MAP3K13: variants seen among roughly 807,000 people sequenced by gnomAD.
MAP3K13 encodes leucine zipper-bearing kinase.
A neutral mutation model predicts 104.0 loss-of-function variants in MAP3K13; 52 were observed. That is an observed-to-expected ratio of 0.50 (90% CI 0.40 to 0.63). The LOEUF (loss-of-function observed/expected upper bound fraction) is 0.63. Ranked by LOEUF, MAP3K13 falls within the 20% of genes least tolerant of loss-of-function variation. MAP3K13 has a pLI of 0.00. For synonymous variants in MAP3K13, 394 were observed against 442.2 expected (o/e 0.89, Z 1.37); for missense variants, 914 against 1,218.5 (o/e 0.75, Z 3.72).
At chr3:185,367,423 C>T (rs1016329491) in intron 1 of MAP3K13, among the ~76,000 whole-genome samples, 39 of 151,620 alleles carry the variant, frequency 2.6e-4, no homozygotes, top group African/African-American at 8.5e-4. Context: ...AGAAAATGAG[C>T]GAAAACATAG....
At chr3:185,322,169 C>T (rs1171277137) in intron 2 of MAP3K13, among the ~76,000 whole-genome samples, 1 of 152,160 alleles carries the variant, frequency 6.6e-6, no homozygotes, top group Non-Finnish European at 1.5e-5. Flanking sequence ...ATCTGTTCTG[C>T]GGCTTCATAT....
At chr3:185,463,202 T>C (rs1277466340) in intron 7 of MAP3K13, among the ~76,000 whole-genome samples, 2 of 152,232 alleles carry the variant, frequency 1.3e-5, no homozygotes. Flanking sequence ...GCTGTTTTTT[T>C]CTGGCCAGGC....
In MAP3K13 at chr3:185,480,239, C is replaced by T. The variant is rs1184685567; in HGVS notation, c.2509C>T (p.Arg837Cys). 5 of 1,613,622 alleles carry T rather than the reference C, an allele frequency of 3.1e-6. No homozygotes were observed. The highest frequency in any genetic ancestry group is 2.2e-5 in the East Asian group (1 of 44,892). Residue 837 changes from arginine (R) to cysteine (C), a missense_variant, in exon 13 of 14, where the codon CGC (arginine) becomes TGC (cysteine). Coordinates refer to ENST00000265026, the MANE Select transcript of MAP3K13 (RefSeq NM_004721.5). ...VEFPRRQRPHRCISSCQSYST... is the reference protein window; with the variant it reads ...VEFPRRQRPHCCISSCQSYST... ...GGTTCTTCTTGGTTCTAGGCCCCAT[C>T]GCTGTATCAGCAGCTGCCAGTCATA...
chr3:185,377,314 T>C (rs1724478263), intron 1 of MAP3K13, among the ~76,000 whole-genome samples: 1 of 151,954 alleles, frequency 6.6e-6, no homozygotes, highest in South Asian at 2.1e-4. Flanking sequence ...GTAAGGGTGA[T>C]TAGGTTTTAA....
intron 2 of MAP3K13, among the ~76,000 whole-genome samples, chr3:185,323,154 C>T (rs1721923313): frequency 6.6e-6 from 1 of 152,128 alleles, no homozygotes; most frequent in Non-Finnish European, 1.5e-5. Flanking sequence ...CTTTACCCAC[C>T]TTCTCCTGAT....
At chr3:185,475,093 C>CA (rs972600527) in intron 11 of MAP3K13, among the ~76,000 whole-genome samples, 1,327 of 41,256 alleles carry the variant, frequency 0.032, 15 homozygotes, top group African/African-American at 0.059. Flanking sequence ...GACCCCATCT[C>CA]AAAAAAAAAA....
At position 185,418,152 on chromosome 3, in the gene MAP3K13, G is replaced by A; in HGVS notation, c.-85-10345G>A. 10 of 1,608,576 alleles carry A rather than the reference G, an allele frequency of 6.2e-6. No homozygotes were observed. The highest frequency in any genetic ancestry group is 8.5e-6 in the Non-Finnish European group (10 of 1,176,582). On this transcript the variant is annotated intron_variant, in intron 1 of 13. Coordinates refer to ENST00000265026, the MANE Select transcript of MAP3K13 (RefSeq NM_004721.5). The surrounding 1 kb of genome is among the most constrained non-coding windows in gnomAD (Gnocchi z 4.5). ...TGATACCATTATCCTCATTATAGAT[G>A]ATGCACAGGCCCCTGCGCTGGATAC...
intron 2 of MAP3K13, among the ~76,000 whole-genome samples, chr3:185,297,157 T>C (rs1720943723): frequency 6.6e-6 from 1 of 152,194 alleles, no homozygotes. Context: ...ACTTGCTTTC[T>C]GTATTAGGAA....
intron 7 of MAP3K13, among the ~76,000 whole-genome samples, chr3:185,459,201 C>A (rs1716947980): frequency 6.6e-6 from 1 of 152,078 alleles, no homozygotes; most frequent in Non-Finnish European, 1.5e-5. Flanking sequence ...TGTGAGGGAG[C>A]AGATACGTAT....
At chr3:185,431,416 C>A (rs1278126795) in intron 2 of MAP3K13, among the ~76,000 whole-genome samples, 1 of 152,096 alleles carries the variant, frequency 6.6e-6, no homozygotes, top group Admixed American at 6.5e-5. Flanking sequence ...ACTGCAATGA[C>A]CATTTGTCTA....
Position 185,418,656 on chromosome 3 carries a change from G to A in MAP3K13, c.-85-9841G>A. The A allele has an allele frequency of 6.2e-7, 1 of 1,611,722 alleles. No homozygotes were observed. Among genetic ancestry groups the A allele is most frequent in the Non-Finnish European group, 8.5e-7 (1 of 1,179,092 alleles). On this transcript the variant is annotated intron_variant, in intron 1 of 13. Transcript: ENST00000265026. This position sits in a 1 kb window ranked among gnomAD's most constrained non-coding sequence, Gnocchi z 4.5. ...GTCTGTTGTTTTTGCGCAAGTTGGT[G>A]TGAACAAAGTTCACAATATCTGGTC...
rs1718190469 is a variant in MAP3K13, at chr3:185,477,369, G to A, written c.2474G>A (p.Ser825Asn). The A allele has an allele frequency of 4.3e-6, 7 of 1,613,194 alleles. No individual in the cohort carries two copies. The highest frequency in any genetic ancestry group is 5.9e-6 in the Non-Finnish European group (7 of 1,179,120). ...GAAGAGGAAGAAGGGGAAGTAGATAGTGAAGTTGAATTTCCACGAAGACAG... is the reference window on the plus strand; with the variant it reads ...GAAGAGGAAGAAGGGGAAGTAGATAATGAAGTTGAATTTCCACGAAGACAG... Reference protein sequence around the residue: ...SSEEEEGEVDSEVEFPRRQRP... With the variant: ...SSEEEEGEVDNEVEFPRRQRP... The change falls in exon 12 of 14, where the codon AGT (serine) becomes AAT (asparagine). Residue 825 changes from serine to asparagine, a missense_variant. Physicochemically the swap from Ser to Asn is conservative, Grantham distance 46. Coordinates refer to ENST00000265026, the MANE Select transcript of MAP3K13 (RefSeq NM_004721.5).
chr3:185,313,407 C>T (rs1192115792), intron 2 of MAP3K13, among the ~76,000 whole-genome samples: 1 of 151,192 alleles, frequency 6.6e-6, no homozygotes, highest in Non-Finnish European at 1.5e-5. Context: ...GTAGCTGGGA[C>T]TACAGGCGCT....
chr3:185,362,569 G>A (rs1577465297), upstream of MAP3K13, among the ~76,000 whole-genome samples: 1 of 152,200 alleles, frequency 6.6e-6, no homozygotes, highest in East Asian at 1.9e-4. Flanking sequence ...AGCTACATTC[G>A]TGTAATATTA....
upstream of MAP3K13, among the ~76,000 whole-genome samples, chr3:185,362,387 G>C (rs993928227): frequency 1.3e-5 from 2 of 152,138 alleles, no homozygotes; most frequent in African/African-American, 4.8e-5. Context: ...ACCAAAATTT[G>C]TTCAAAGTTT....
chr3:185,454,485 G>A (rs1387132520), intron 7 of MAP3K13, among the ~76,000 whole-genome samples: 3 of 101,892 alleles, frequency 2.9e-5, no homozygotes. Context: ...AGATATATAT[G>A]ATATATATAC....
At chr3:185,462,719 G>C (rs1051024149) in intron 7 of MAP3K13, among the ~76,000 whole-genome samples, 1 of 152,194 alleles carries the variant, frequency 6.6e-6, no homozygotes, top group Non-Finnish European at 1.5e-5. Flanking sequence ...GCTGCAGTGA[G>C]CCGATATCAC....
At chr3:185,455,667 TG>T (rs1716605310) in intron 7 of MAP3K13, among the ~76,000 whole-genome samples, 2 of 20,194 alleles carry the variant, frequency 9.9e-5, no homozygotes, top group Non-Finnish European at 1.3e-4. Flanking sequence ...GATATATATA[TG>T]ATATATATAT....
Position 185,418,568 on chromosome 3 carries a change from TGCC to T in MAP3K13, c.-85-9928_-85-9926del, listed in dbSNP as rs1713935668. ...ACTCTGGGAATTCGAGCCATAGCTC[TGCC>T]AGTACCCCAAGACTCAGCACTGGTC... is the stretch of plus-strand genomic sequence containing the variant. On this transcript the variant is annotated intron_variant, in intron 1 of 13. Transcript: ENST00000265026. This position sits in a 1 kb window ranked among gnomAD's most constrained non-coding sequence, Gnocchi z 4.5. 6.2e-7 allele frequency: 1 copy of T among 1,612,348 alleles called. No homozygotes were observed. The highest frequency in any genetic ancestry group is 2.2e-5 in the East Asian group (1 of 44,888).
Sources: allele counts gnomAD v4.1 joint callset (sites outside exome capture counted in the v4.1 genomes callset), GRCh38; gene constraint gnomAD v4.1.1; non-coding constraint Gnocchi (gnomAD v3.1); transcripts MANE v1.5; gene names NCBI Gene and HGNC (gene_info 2026-07-23, HGNC 2026-07-21).